The following EPB41 variants were observed in gnomAD, a reference collection of about 807,000 sequenced individuals.
EPB41 encodes the protein erythrocyte membrane protein band 4.1.
Under a neutral mutation model 108.0 loss-of-function variants are expected in EPB41, and 65 were observed. That is an observed-to-expected ratio of 0.60 (90% CI 0.49 to 0.74). EPB41 has a LOEUF of 0.74. Ranked by LOEUF, EPB41 falls within the 30% of genes least tolerant of loss-of-function variation. The probability of loss-of-function intolerance (pLI) is 0.00; values close to 1 mark genes in which losing one functional copy is unlikely to be tolerated. For synonymous variants in EPB41, 336 were observed against 358.9 expected, an observed-to-expected ratio of 0.94 and a Z score of 0.72; for missense variants, 875 against 1,037.0, an observed-to-expected ratio of 0.84 and a Z score of 2.15.
intron 18 of EPB41, among the ~76,000 whole-genome samples, chr1:29,110,690 G>A (rs1668848185): frequency 6.6e-6 from 1 of 152,134 alleles, no homozygotes; most frequent in African/African-American, 2.4e-5. Flanking sequence ...ATACACAGAT[G>A]ACTGGAAACT....
intron 16 of EPB41, among the ~76,000 whole-genome samples, chr1:29,087,387 A>G (rs1356973946): frequency 1.3e-5 from 2 of 150,814 alleles, no homozygotes; most frequent in Non-Finnish European, 3.0e-5. Flanking sequence ...TTTGAGATGG[A>G]GTTTTGCTCT....
In EPB41 at chr1:29,087,018, C is replaced by T. The variant is rs571681337; in HGVS notation, c.2185-10789C>T. 3.6e-5 allele frequency among the ~76,000 whole-genome samples: 5 copies of T among 138,048 alleles called. No individual in the cohort carries two copies. In the East Asian group the frequency reaches 1.1e-3, roughly 30 times the overall value. 90.6% of individuals were successfully genotyped at this position (138,048 alleles called of 152,430 possible). ...GGGGTGCAGTGGCACAATCTTGGCT[C>T]ACTGCAAGCTCCGCCTCCTGGGTTC... is the stretch of plus-strand genomic sequence containing the variant. On this transcript the variant is annotated intron_variant, in intron 16 of 20. Transcript: ENST00000343067.
Position 29,053,086 on chromosome 1 carries a change from T to C in EPB41, c.1637-18T>C, listed in dbSNP as rs777784641. ...CTCTGGCCTTTACTTATGCTTCCCT[T>C]TTCCCTTTCTCACATAGCAGCAGCT... On this transcript the variant is annotated intron_variant, in intron 11 of 20. Coordinates refer to ENST00000343067, the MANE Select transcript of EPB41 (RefSeq NM_001376013.1). The C allele has an allele frequency of 6.2e-7, 1 of 1,613,050 alleles. No homozygotes were observed. The highest frequency in any genetic ancestry group is 8.5e-7 in the Non-Finnish European group (1 of 1,179,884).
intron 7 of EPB41, among the ~76,000 whole-genome samples, chr1:29,019,904 C>T (rs2096623092): frequency 6.6e-6 from 1 of 152,112 alleles, no homozygotes; most frequent in African/African-American, 2.4e-5. Flanking sequence ...TTACCCATCT[C>T]TCTTGGGGTC....
At chr1:28,964,812 G>A (rs943111205) in intron 1 of EPB41, among the ~76,000 whole-genome samples, 22 of 151,994 alleles carry the variant, frequency 1.4e-4, no homozygotes, top group African/African-American at 5.1e-4. Context: ...ACTTTGTGCT[G>A]CTTGCCATTC....
chr1:29,019,003 G>A lies in EPB41; in HGVS notation c.1124+561G>A, dbSNP rs552398053. Among the ~76,000 whole-genome samples, 24 of 152,292 alleles carry A rather than the reference G, an allele frequency of 1.6e-4. No individual in the cohort carries two copies. In the South Asian group the frequency reaches 4.6e-3, roughly 29 times the overall value. Reference sequence around the variant, plus strand: ...GTCTGAGCTGGGTTGAAATCTTGACGTTGGTTCCAACCTTGTGACCTTAGG... The same window carrying A: ...GTCTGAGCTGGGTTGAAATCTTGACATTGGTTCCAACCTTGTGACCTTAGG... On this transcript the variant is annotated intron_variant, in intron 7 of 20. Coordinates refer to ENST00000343067, the MANE Select transcript of EPB41 (RefSeq NM_001376013.1).
intron 1 of EPB41, among the ~76,000 whole-genome samples, chr1:28,903,322 C>CTTTTTTTTTTTT (rs1469847584): frequency 1.7e-4 from 24 of 144,398 alleles, no homozygotes; most frequent in African/African-American, 3.5e-4. Flanking sequence ...TTTTTCTTTT[C>CTTTTTTTTTTTT]TTTCTTTTTT....
At chr1:29,098,899 T>C (rs1029441365) in intron 17 of EPB41, among the ~76,000 whole-genome samples, 3 of 151,440 alleles carry the variant, frequency 2.0e-5, no homozygotes, top group African/African-American at 7.3e-5. Flanking sequence ...CTAATTTTTG[T>C]ATTTTTCGTA....
chr1:28,978,675 C>T (rs868456056), intron 1 of EPB41, among the ~76,000 whole-genome samples: 2 of 151,168 alleles, frequency 1.3e-5, no homozygotes, highest in South Asian at 2.1e-4. Context: ...GAAGATCTGC[C>T]CTCATTTTTG....
chr1:29,069,452 A>G (rs1193239046), intron 16 of EPB41: 8 of 1,220,928 alleles, frequency 6.6e-6, no homozygotes, highest in Non-Finnish European at 8.1e-6. Flanking sequence ...ATTATTATTT[A>G]TTTGTTTTGG....
chr1:28,899,609 G>T (rs112845358), intron 1 of EPB41, among the ~76,000 whole-genome samples: 1 of 152,250 alleles, frequency 6.6e-6, no homozygotes, highest in East Asian at 1.9e-4. Flanking sequence ...CCATCCTCGG[G>T]AGCTAGGATG....
intron 1 of EPB41, among the ~76,000 whole-genome samples, chr1:28,935,891 C>T (rs2094002469): frequency 6.6e-6 from 1 of 150,914 alleles, no homozygotes; most frequent in African/African-American, 2.5e-5. Context: ...TGCACTCCAG[C>T]CTGGTGACAG....
chr1:29,097,998 C>T, intron 17 of EPB41, 63 bp downstream of exon 17: 1 of 1,607,932 alleles, frequency 6.2e-7, no homozygotes, highest in Admixed American at 1.7e-5. Flanking sequence ...CCTTTCTTCA[C>T]AGAGTTTCTA....
At chr1:29,007,099 AT>A (rs199775551) in intron 4 of EPB41, among the ~76,000 whole-genome samples, 34 of 147,804 alleles carry the variant, frequency 2.3e-4, no homozygotes, top group Non-Finnish European at 2.6e-4. Context: ...TTACTGTATA[AT>A]TTTTTTTTTT....
At chr1:29,061,579 T>TTTTTTTTTTG (rs1646565602) in intron 15 of EPB41, among the ~76,000 whole-genome samples, 2 of 134,536 alleles carry the variant, frequency 1.5e-5, no homozygotes, top group Non-Finnish European at 3.2e-5. Context: ...TTTGTTTTTT[T>TTTTTTTTTTG]TTTTTTTTTT....
chr1:29,033,819 G>A (rs370391265), intron 9 of EPB41, among the ~76,000 whole-genome samples: 22 of 152,240 alleles, frequency 1.4e-4, no homozygotes, highest in East Asian at 1.4e-3. Flanking sequence ...GCATAAAATT[G>A]TTTAAGTAGG....
chr1:29,091,726 A>G (rs1661255456), intron 16 of EPB41, among the ~76,000 whole-genome samples: 2 of 152,226 alleles, frequency 1.3e-5, no homozygotes. Flanking sequence ...TCTCAGATAC[A>G]TTTGCAGACA....
At chr1:28,935,438 A>AC (rs1553175076) in intron 1 of EPB41, among the ~76,000 whole-genome samples, 1 of 52,052 alleles carries the variant, frequency 1.9e-5, no homozygotes, top group Non-Finnish European at 3.6e-5. Flanking sequence ...CCTGTCTCAA[A>AC]ACACACACAC....
chr1:29,085,861 T>G (rs1658678803), intron 16 of EPB41, among the ~76,000 whole-genome samples: 2 of 152,180 alleles, frequency 1.3e-5, no homozygotes, highest in Non-Finnish European at 2.9e-5. Flanking sequence ...TGACTTTGAC[T>G]TTCAAAACCA....
Sources: allele counts gnomAD v4.1 joint callset (sites outside exome capture counted in the v4.1 genomes callset), GRCh38; gene constraint gnomAD v4.1.1; transcripts MANE v1.5; gene names NCBI Gene and HGNC (gene_info 2026-07-23, HGNC 2026-07-21).